The following SCD5 variants were observed in gnomAD, a reference collection of about 807,000 sequenced individuals.
The protein encoded by SCD5 is acyl-CoA-desaturase 4.
Under a neutral mutation model 30.4 loss-of-function variants are expected in SCD5, and 20 were observed. That is an observed-to-expected ratio of 0.66 (90% CI 0.46 to 0.96). The LOEUF (loss-of-function observed/expected upper bound fraction) is 0.96, where lower values mean the gene tolerates loss of function less well. SCD5 is among the 40% of genes least tolerant of loss of function. The probability of loss-of-function intolerance (pLI) is 0.00; values close to 1 mark genes in which losing one functional copy is unlikely to be tolerated. For synonymous variants in SCD5, 173 were observed against 176.4 expected, an observed-to-expected ratio of 0.98 and a Z score of 0.16; for missense variants, 381 against 443.3, an observed-to-expected ratio of 0.86 and a Z score of 1.26.
In SCD5 at chr4:82,674,363, A is replaced by G. The variant is rs147031302; in HGVS notation, c.569+6344T>C. On this transcript the variant is annotated intron_variant, in intron 3 of 4. Coordinates refer to ENST00000319540, the MANE Select transcript of SCD5 (RefSeq NM_001037582.3). ...TGACAAACATCTTACTAAAGAAAAT[A>G]TATAGATGGAACAATAAGCTTATCT... Among the ~76,000 whole-genome samples the G allele has an allele frequency of 1.4e-4, 22 of 152,356 alleles. No individual in the cohort carries two copies. In the East Asian group the frequency reaches 3.9e-3, roughly 27 times the overall value.
At chr4:82,730,180 G>A (rs1381801324) in intron 1 of SCD5, among the ~76,000 whole-genome samples, 1 of 147,624 alleles carries the variant, frequency 6.8e-6, no homozygotes, top group Non-Finnish European at 1.5e-5. Flanking sequence ...GAATAAGGGG[G>A]AAAATATATG....
At position 82,726,309 on chromosome 4, in the gene SCD5, C is replaced by T. The variant is rs1327587754; in HGVS notation, c.233-20896G>A. ...GCTCGTGCCTGTAATCCCAGCTACT[C>T]GGGAGGCTGAGGCAGGAGAATCGCT... On this transcript the variant is annotated intron_variant, in intron 1 of 4. Coordinates refer to ENST00000319540, the MANE Select transcript of SCD5 (RefSeq NM_001037582.3). Among the ~76,000 whole-genome samples the T allele has an allele frequency of 2.7e-5, 4 of 150,326 alleles. No individual in the cohort carries two copies. In the East Asian group the frequency reaches 5.9e-4, roughly 22 times the overall value.
chr4:82,763,599 A>G (rs1578058266), intron 1 of SCD5, among the ~76,000 whole-genome samples: 1 of 152,264 alleles, frequency 6.6e-6, no homozygotes, highest in African/African-American at 2.4e-5. Context: ...GTGGACACCC[A>G]GAGAAAATGT....
intron 1 of SCD5, among the ~76,000 whole-genome samples, chr4:82,712,283 TATATATA>T (rs1720120992): frequency 2.1e-5 from 1 of 48,392 alleles, no homozygotes; most frequent in African/African-American, 1.1e-4. Flanking sequence ...TATATATATA[TATATATA>T]TATATATTTT....
intron 1 of SCD5, among the ~76,000 whole-genome samples, chr4:82,717,766 A>G: frequency 6.6e-6 from 1 of 151,542 alleles, no homozygotes; most frequent in South Asian, 2.1e-4. Context: ...AAATACAAAA[A>G]TTAGCCAGGT....
chr4:82,726,919 T>A (rs772732640), intron 1 of SCD5, among the ~76,000 whole-genome samples: 48 of 152,338 alleles, frequency 3.2e-4, no homozygotes, highest in Non-Finnish European at 6.0e-4. Flanking sequence ...TCCTTTCTCC[T>A]CTACATTTTC....
chr4:82,769,691 C>G (rs1721575548), intron 1 of SCD5, among the ~76,000 whole-genome samples: 1 of 152,086 alleles, frequency 6.6e-6, no homozygotes, highest in Admixed American at 6.5e-5. Context: ...AACATTCTTG[C>G]TCTCAGGAAA....
At chr4:82,661,403 C>T (rs74572434) in intron 3 of SCD5, among the ~76,000 whole-genome samples, 4,535 of 152,266 alleles carry the variant, frequency 0.03, 255 homozygotes, top group African/African-American at 0.1. Context: ...TGTCAACTGA[C>T]GAGGGGTCTC....
chr4:82,798,657 C>T lies in SCD5; in HGVS notation c.-120G>A, dbSNP rs374301385. On this transcript the variant is annotated 5_prime_UTR_variant, in exon 1 of 5. Transcript: ENST00000319540. ...GGGGGGAATTCTCCGCACGTCCAGT[C>T]CCCTCCTTCCAGCCCTTCTCCCGGG... 7.4e-4 allele frequency: 615 copies of T among 827,874 alleles called. 1 individual carries two copies. In the African/African-American group the frequency reaches 1.0e-2, roughly 13 times the overall value. The allele number at this position is 827,874 out of a possible 1,614,324, so 51.3% of individuals were successfully genotyped here.
In SCD5 at chr4:82,630,409, G is replaced by A. The variant is rs1289807272; in HGVS notation, c.*918C>T. ...AGAAACATTCTTTAGTTACCACATAGATCCCCCTTCTGTCTTCTACCCTGC... is the reference window on the plus strand; with the variant it reads ...AGAAACATTCTTTAGTTACCACATAAATCCCCCTTCTGTCTTCTACCCTGC... On this transcript the variant is annotated 3_prime_UTR_variant, in exon 5 of 5. Coordinates refer to ENST00000319540, the MANE Select transcript of SCD5 (RefSeq NM_001037582.3). 1.3e-5 allele frequency: 2 copies of A among 151,988 alleles called. No individual in the cohort carries two copies. Among genetic ancestry groups the A allele is most frequent in the African/African-American group, 4.8e-5 (2 of 41,360 alleles). 9.4% of individuals were successfully genotyped at this position (151,988 alleles called of 1,614,324 possible). A position where few individuals can be genotyped will look rare whatever the true frequency, so the allele number is the denominator to read the frequency against.
rs928299332 is a variant in SCD5, at chr4:82,630,357, C to CCACA, written c.*966_*969dup. The CCACA allele has an allele frequency of 6.6e-6, 1 of 151,792 alleles. No individual in the cohort carries two copies. Among genetic ancestry groups the CCACA allele is most frequent in the African/African-American group, 2.4e-5 (1 of 41,124 alleles). The allele number at this position is 151,792 out of a possible 1,614,324, so 9.4% of individuals were successfully genotyped here. On this transcript the variant is annotated 3_prime_UTR_variant, in exon 5 of 5. Transcript: ENST00000319540. The stretch of plus-strand genomic sequence containing the variant: ...TGATTCTCTTAAGCAAACAATAAAA[C>CCACA]CACACACACACAATAATTAACAAAA...
In SCD5 at chr4:82,736,363, C is replaced by T. The variant is rs557416113; in HGVS notation, c.233-30950G>A. On this transcript the variant is annotated intron_variant, in intron 1 of 4. Coordinates refer to ENST00000319540, the MANE Select transcript of SCD5 (RefSeq NM_001037582.3). ...GTGGCTCACATCTGTAATCCCAGCA[C>T]TTTGAGAGGCTGAGGCAGGTGGATC... is the stretch of plus-strand genomic sequence containing the variant. Among the ~76,000 whole-genome samples, 4 of 149,238 alleles carry T rather than the reference C, an allele frequency of 2.7e-5. No homozygotes were observed. In the East Asian group the frequency reaches 7.8e-4, roughly 29 times the overall value.
chr4:82,747,049 G>A (rs961069607), intron 1 of SCD5, among the ~76,000 whole-genome samples: 3 of 140,704 alleles, frequency 2.1e-5, no homozygotes, highest in Non-Finnish European at 4.7e-5. Context: ...GGGGCAGTTA[G>A]AGAAAAGTCT....
At chr4:82,695,344 A>C (rs1278146254) in intron 2 of SCD5, among the ~76,000 whole-genome samples, 3 of 152,214 alleles carry the variant, frequency 2.0e-5, no homozygotes, top group Non-Finnish European at 4.4e-5. Context: ...TTGAATCAGA[A>C]GACCAGTTCA....
chr4:82,631,310 G>A lies in SCD5; in HGVS notation c.*17C>T. The A allele has an allele frequency of 6.2e-7, 1 of 1,608,326 alleles. No individual in the cohort carries two copies. Among genetic ancestry groups the A allele is most frequent in the Non-Finnish European group, 8.5e-7 (1 of 1,176,024 alleles). ...CCGAGGTTGCAACGGCAGACATGTG[G>A]GATGGCTGTTCCAAGTTCAAGCACT... On this transcript the variant is annotated 3_prime_UTR_variant, in exon 5 of 5. Coordinates refer to ENST00000319540, the MANE Select transcript of SCD5 (RefSeq NM_001037582.3).
At chr4:82,672,863 A>G (rs1252670110) in intron 3 of SCD5, among the ~76,000 whole-genome samples, 1 of 152,160 alleles carries the variant, frequency 6.6e-6, no homozygotes, top group Non-Finnish European at 1.5e-5. Context: ...AGTAGGATTT[A>G]TACTAGGTAT....
intron 1 of SCD5, among the ~76,000 whole-genome samples, chr4:82,773,793 T>C (rs1454197633): frequency 6.6e-6 from 1 of 152,076 alleles, no homozygotes; most frequent in Admixed American, 6.6e-5. Context: ...AGCACTGGTA[T>C]AAAGCCTTGA....
At chr4:82,710,970 T>C (rs1720072022) in intron 1 of SCD5, among the ~76,000 whole-genome samples, 1 of 152,146 alleles carries the variant, frequency 6.6e-6, no homozygotes, top group Non-Finnish European at 1.5e-5. Flanking sequence ...GCCCTGGGAT[T>C]GAATCCCTGA....
At chr4:82,678,464 A>G (rs1192813506) in intron 3 of SCD5, among the ~76,000 whole-genome samples, 5 of 152,244 alleles carry the variant, frequency 3.3e-5, no homozygotes, top group African/African-American at 1.2e-4. Flanking sequence ...CATTAATAAA[A>G]CAGAAAATCT....
Sources: gnomAD v4.1 joint callset for allele counts (sites outside exome capture counted in the v4.1 genomes callset) on GRCh38, gnomAD v4.1.1 for gene constraint, MANE v1.5 for transcripts, NCBI Gene and HGNC (gene_info 2026-07-23, HGNC 2026-07-21) for gene names.